The following CPNE4 variants were observed in gnomAD, a reference collection of about 807,000 sequenced individuals.
CPNE4 encodes the protein copine 4.
CPNE4 carries 25 observed loss-of-function variants against 67.9 expected under a neutral mutation model. The observed-to-expected ratio is 0.37, with a 90% CI of 0.27 to 0.51. CPNE4 has a LOEUF of 0.51. Ranked by LOEUF, CPNE4 falls within the 20% of genes least tolerant of loss-of-function variation. The pLI, the probability that CPNE4 is intolerant of heterozygous loss-of-function variation, is 0.93. For synonymous variants in CPNE4, 242 were observed against 244.9 expected (o/e 0.99, Z 0.11); for missense variants, 464 against 690.8 (o/e 0.67, Z 3.68).
intron 1 of CPNE4, among the ~76,000 whole-genome samples, chr3:131,932,847 A>G (rs559880034): frequency 1.2e-4 from 19 of 152,180 alleles, no homozygotes; most frequent in African/African-American, 4.3e-4. Flanking sequence ...GTGAAATACC[A>G]TCTCTACTAA....
chr3:131,976,562 A>G (rs1346282156), intron 1 of CPNE4, among the ~76,000 whole-genome samples: 5 of 152,146 alleles, frequency 3.3e-5, no homozygotes, highest in Non-Finnish European at 5.9e-5. Flanking sequence ...AGAATATTAC[A>G]TCTAGCATCA....
intron 7 of CPNE4, among the ~76,000 whole-genome samples, chr3:131,616,207 A>C (rs1234730038): frequency 6.6e-6 from 1 of 152,134 alleles, no homozygotes; most frequent in African/African-American, 2.4e-5. Flanking sequence ...AAAAGAATAA[A>C]GCAGTTAGCT....
intron 2 of CPNE4, among the ~76,000 whole-genome samples, chr3:131,798,639 G>T (rs73222318): frequency 0.093 from 14,078 of 151,228 alleles, 823 homozygotes; most frequent in East Asian, 0.17. Flanking sequence ...TGATATGATA[G>T]TTTTTTGTGA....
chr3:131,536,684 A>G (rs942865906), intron 15 of CPNE4, among the ~76,000 whole-genome samples: 2 of 152,236 alleles, frequency 1.3e-5, no homozygotes, highest in African/African-American at 2.4e-5. Context: ...AAAACACTGT[A>G]AAGAGTTTTT....
intron 2 of CPNE4, among the ~76,000 whole-genome samples, chr3:131,731,709 G>A (rs1489409716): frequency 6.6e-6 from 1 of 152,118 alleles, no homozygotes; most frequent in Non-Finnish European, 1.5e-5. Context: ...GCCACATGTA[G>A]GTATTCAGCA....
chr3:131,941,306 C>T (rs2071379212), intron 1 of CPNE4, among the ~76,000 whole-genome samples: 1 of 151,864 alleles, frequency 6.6e-6, no homozygotes, highest in African/African-American at 2.4e-5. Context: ...ATTATCTATG[C>T]TAAGATAATT....
At chr3:131,897,783 T>C (rs1036342024) in intron 2 of CPNE4, among the ~76,000 whole-genome samples, 1 of 151,740 alleles carries the variant, frequency 6.6e-6, no homozygotes, top group Non-Finnish European at 1.5e-5. Flanking sequence ...TCCTAGCTAG[T>C]TGGGAGGTTG....
intron 2 of CPNE4, among the ~76,000 whole-genome samples, chr3:131,801,716 A>T (rs575640764): frequency 6.6e-6 from 1 of 150,688 alleles, no homozygotes; most frequent in African/African-American, 2.4e-5. Context: ...TTATAGTGCA[A>T]AATATTCCAG....
intron 1 of CPNE4, among the ~76,000 whole-genome samples, chr3:131,978,848 T>G (rs542551710): frequency 1.3e-5 from 2 of 151,940 alleles, no homozygotes; most frequent in African/African-American, 4.8e-5. Context: ...ACTTTCCTCT[T>G]AGCACTGCCT....
intron 2 of CPNE4, among the ~76,000 whole-genome samples, chr3:131,848,384 T>A (rs984735486): frequency 6.6e-6 from 1 of 152,168 alleles, no homozygotes; most frequent in African/African-American, 2.4e-5. Context: ...CTTTATCTCA[T>A]CACACTAGTC....
At chr3:131,977,834 C>A (rs2072707451) in intron 1 of CPNE4, among the ~76,000 whole-genome samples, 1 of 151,352 alleles carries the variant, frequency 6.6e-6, no homozygotes. Flanking sequence ...TCATCCCCCT[C>A]CCACTCTTCC....
At chr3:131,757,002 C>A (rs1024211784) in intron 2 of CPNE4, among the ~76,000 whole-genome samples, 18 of 152,146 alleles carry the variant, frequency 1.2e-4, no homozygotes, top group Non-Finnish European at 1.5e-5. Context: ...ATCCTGAGGC[C>A]TCCCCAGCCA....
intron 2 of CPNE4, among the ~76,000 whole-genome samples, chr3:131,777,446 T>C (rs1317932010): frequency 1.3e-5 from 2 of 150,850 alleles, no homozygotes; most frequent in Admixed American, 1.3e-4. Context: ...ATATTATAAG[T>C]AGATGTGGGG....
At chr3:132,018,469 T>C (rs1178128479) in intron 1 of CPNE4, among the ~76,000 whole-genome samples, 1 of 152,216 alleles carries the variant, frequency 6.6e-6, no homozygotes, top group Admixed American at 6.5e-5. Context: ...CAACTGAGTT[T>C]CATGAAAATG....
At chr3:131,575,942 G>A (rs1937538289) in intron 9 of CPNE4, among the ~76,000 whole-genome samples, 1 of 152,022 alleles carries the variant, frequency 6.6e-6, no homozygotes. Context: ...TTGTGATTTT[G>A]CTGCTTGGCT....
chr3:131,719,064 G>A lies in CPNE4; in HGVS notation c.360+4382C>T, dbSNP rs544005828. On this transcript the variant is annotated intron_variant, in intron 3 of 15. Transcript: ENST00000429747. ...AGAGGGTGGTTGCCAAAGAACATGC[G>A]AGATATCCAGAGAGGCCAGCATGTC... Among the ~76,000 whole-genome samples the A allele has an allele frequency of 3.9e-5, 6 of 152,308 alleles. No homozygotes were observed. In the East Asian group the frequency reaches 7.7e-4, roughly 20 times the overall value.
chr3:131,712,373 A>T (rs916989772), intron 3 of CPNE4, among the ~76,000 whole-genome samples: 2 of 152,244 alleles, frequency 1.3e-5, no homozygotes, highest in Non-Finnish European at 2.9e-5. Context: ...GCCTGTAAAG[A>T]AATGGGTACT....
intron 6 of CPNE4, among the ~76,000 whole-genome samples, chr3:131,671,095 T>C (rs2080401501): frequency 6.6e-6 from 1 of 152,218 alleles, no homozygotes; most frequent in Non-Finnish European, 1.5e-5. Flanking sequence ...ACCTAGAATT[T>C]GTTTTTTAAT....
At chr3:131,771,739 A>G (rs1583172247) in intron 2 of CPNE4, among the ~76,000 whole-genome samples, 1 of 152,108 alleles carries the variant, frequency 6.6e-6, no homozygotes, top group Non-Finnish European at 1.5e-5. Context: ...ACAGATTAAG[A>G]CAGCCAGTGA....
Sources: gnomAD v4.1 joint callset for allele counts (sites outside exome capture counted in the v4.1 genomes callset) on GRCh38, gnomAD v4.1.1 for gene constraint, MANE v1.5 for transcripts, NCBI Gene and HGNC (gene_info 2026-07-23, HGNC 2026-07-21) for gene names.